GLIS3: variants seen among roughly 807,000 people sequenced by gnomAD.
GLIS3 encodes the protein zinc finger protein GLIS3.
Under a neutral mutation model 78.6 loss-of-function variants are expected in GLIS3, and 53 were observed. The observed-to-expected ratio is 0.67, with a 90% CI of 0.54 to 0.85. The LOEUF is 0.85. Ranked by LOEUF, GLIS3 falls within the 40% of genes least tolerant of loss-of-function variation. GLIS3 has a pLI of 0.00. For missense variants in GLIS3, 1,703 were observed against 1,231.1 expected, an observed-to-expected ratio of 1.38 and a Z score of -5.74; for synonymous variants, 684 against 509.9, an observed-to-expected ratio of 1.34 and a Z score of -4.60.
intron 1 of GLIS3, among the ~76,000 whole-genome samples, chr9:4,290,629 G>A (rs1452864916): frequency 6.6e-6 from 1 of 152,118 alleles, no homozygotes; most frequent in Admixed American, 6.5e-5. Flanking sequence ...AGAGCTGAAT[G>A]TTCTTAGATC....
chr9:4,288,749 C>A (rs1828208315), intron 1 of GLIS3, among the ~76,000 whole-genome samples: 1 of 21,834 alleles, frequency 4.6e-5, no homozygotes, highest in Non-Finnish European at 4.5e-4. Flanking sequence ...GTAAAAACAA[C>A]AAAAAGTATA....
chr9:4,209,934 C>G lies in GLIS3; in HGVS notation c.388+76104G>C, dbSNP rs180968677. 6.6e-5 allele frequency among the ~76,000 whole-genome samples: 10 copies of G among 152,204 alleles called. No individual in the cohort carries two copies. The East Asian group carries it at 1.7e-3, about 26-fold the overall frequency. Reference sequence around the variant, plus strand: ...GATCTGTGTACAAACACAAAGGAGACAAGACATCCCATCCCCTCATCCGTA... The same window carrying G: ...GATCTGTGTACAAACACAAAGGAGAGAAGACATCCCATCCCCTCATCCGTA... On this transcript the variant is annotated intron_variant, in intron 2 of 10. Transcript: ENST00000381971.
intron 2 of GLIS3, among the ~76,000 whole-genome samples, chr9:4,260,110 T>C (rs7034942): frequency 0.14 from 21,388 of 152,162 alleles, 1,627 homozygotes; most frequent in Non-Finnish European, 0.16. Context: ...CCCCATACCC[T>C]TCAGCTGACC....
the GLIS3 span, among the ~76,000 whole-genome samples, chr9:4,441,742 GATTGC>G: frequency 6.6e-6 from 1 of 152,078 alleles, no homozygotes; most frequent in Non-Finnish European, 1.5e-5. Context: ...AAGTAGCTGG[GATTGC>G]AGGTGCTCAC....
intron 2 of GLIS3, among the ~76,000 whole-genome samples, chr9:4,329,313 C>T (rs1207588568): frequency 6.6e-6 from 1 of 152,224 alleles, no homozygotes; most frequent in Non-Finnish European, 1.5e-5. Context: ...CATATCCTCA[C>T]ACTTTTCTCT....
At chr9:4,438,759 C>A in the GLIS3 span, among the ~76,000 whole-genome samples, 207 of 152,290 alleles carry the variant, frequency 1.4e-3, no homozygotes, top group African/African-American at 4.7e-3. Context: ...TCTGCACAAG[C>A]TCTCTCTTGC....
intron 4 of GLIS3, among the ~76,000 whole-genome samples, chr9:4,066,272 G>A (rs1232572796): frequency 1.3e-5 from 2 of 152,206 alleles, no homozygotes; most frequent in Non-Finnish European, 2.9e-5. Flanking sequence ...CTGTGGGGCA[G>A]ATGGGAGCCT....
chr9:4,326,755 A>T (rs992302766), intron 2 of GLIS3, among the ~76,000 whole-genome samples: 18 of 152,200 alleles, frequency 1.2e-4, no homozygotes, highest in African/African-American at 4.1e-4. Context: ...AGGACAAAAA[A>T]AATGAGAGAG....
At chr9:4,116,901 C>T (rs1831687439) in intron 4 of GLIS3, among the ~76,000 whole-genome samples, 1 of 152,166 alleles carries the variant, frequency 6.6e-6, no homozygotes, top group Admixed American at 6.5e-5. Context: ...TTGTGCAAAG[C>T]CATCCTGTGA....
intron 2 of GLIS3, among the ~76,000 whole-genome samples, chr9:4,155,390 C>G (rs183208959): frequency 4.1e-4 from 63 of 152,328 alleles, no homozygotes; most frequent in Non-Finnish European, 5.4e-4. Context: ...AATCAAGTAA[C>G]TTTCCCAAGC....
chr9:4,232,421 G>T (rs974614015), intron 2 of GLIS3, among the ~76,000 whole-genome samples: 2 of 142,580 alleles, frequency 1.4e-5, no homozygotes, highest in African/African-American at 2.6e-5. Flanking sequence ...AAAAAAGAAA[G>T]AAACAAAGAA....
At chr9:4,040,807 G>C (rs1332468306) in intron 4 of GLIS3, among the ~76,000 whole-genome samples, 1 of 152,164 alleles carries the variant, frequency 6.6e-6, no homozygotes, top group African/African-American at 2.4e-5. Context: ...CTGTCAACTG[G>C]GTCAACTGGG....
chr9:4,135,979 G>C (rs1833378519), intron 2 of GLIS3, among the ~76,000 whole-genome samples: 1 of 152,182 alleles, frequency 6.6e-6, no homozygotes, highest in South Asian at 2.1e-4. Context: ...ATATGTGACT[G>C]TATGGTGTAT....
chr9:4,315,129 G>C (rs1475836007), intron 2 of GLIS3, among the ~76,000 whole-genome samples: 2 of 152,234 alleles, frequency 1.3e-5, no homozygotes, highest in South Asian at 2.1e-4. Flanking sequence ...AAAGAGAAGA[G>C]AAAGAGTCTA....
chr9:3,979,915 G>A (rs1364379951), intron 4 of GLIS3, among the ~76,000 whole-genome samples: 2 of 152,200 alleles, frequency 1.3e-5, no homozygotes, highest in African/African-American at 4.8e-5. Flanking sequence ...GGGAGGAGCA[G>A]ACCGACAGCA....
At chr9:4,469,382 G>C in the GLIS3 span, among the ~76,000 whole-genome samples, 2 of 152,062 alleles carry the variant, frequency 1.3e-5, no homozygotes, top group African/African-American at 4.8e-5. Flanking sequence ...CCACATAGTT[G>C]GAAGTAAAGC....
At chr9:4,029,623 T>C (rs1433641554) in intron 4 of GLIS3, among the ~76,000 whole-genome samples, 2 of 150,174 alleles carry the variant, frequency 1.3e-5, no homozygotes, top group Admixed American at 1.3e-4. Flanking sequence ...TCTCAGCCTA[T>C]GGTAACCATC....
At chr9:4,333,876 G>C (rs1033751657) in intron 2 of GLIS3, among the ~76,000 whole-genome samples, 1 of 152,054 alleles carries the variant, frequency 6.6e-6, no homozygotes, top group Admixed American at 6.6e-5. Flanking sequence ...GCGATTTCAG[G>C]CAACGCCAGG....
chr9:4,308,779 G>C (rs115838976), exon 4 of GLIS3: 148 of 152,308 alleles, frequency 9.7e-4, no homozygotes, highest in African/African-American at 3.4e-3. Context: ...TGTCTCACCT[G>C]GGATGGCTCC....
Sources: gnomAD v4.1 joint callset for allele counts (sites outside exome capture counted in the v4.1 genomes callset) on GRCh38, gnomAD v4.1.1 for gene constraint, MANE v1.5 for transcripts, NCBI Gene and HGNC (gene_info 2026-07-23, HGNC 2026-07-21) for gene names.